The following DLC1 variants were observed in gnomAD, a reference collection of about 807,000 sequenced individuals.
DLC1 encodes the protein rho GTPase-activating protein 7.
In DLC1, 54 loss-of-function variants were observed where a neutral mutation model predicts 140.3. That is an observed-to-expected ratio of 0.38 (90% CI 0.31 to 0.48). The LOEUF (loss-of-function observed/expected upper bound fraction) is 0.48. Among genes scored for constraint, DLC1 ranks in the 20% least tolerant of loss-of-function variants. The probability of loss-of-function intolerance (pLI) is 0.96; values close to 1 mark genes in which losing one functional copy is unlikely to be tolerated. For synonymous variants in DLC1, 986 were observed against 728.1 expected, an observed-to-expected ratio of 1.35 and a Z score of -5.70; for missense variants, 2,536 against 1,907.0, an observed-to-expected ratio of 1.33 and a Z score of -6.14.
chr8:13,560,554 CA>C (rs1408294179), intron 1 of DLC1, among the ~76,000 whole-genome samples: 1 of 152,170 alleles, frequency 6.6e-6, no homozygotes. Flanking sequence ...ACCCCAAAAG[CA>C]GATTGTGTAA....
In DLC1 at chr8:13,098,475, G is replaced by C. The variant is rs1818697544; in HGVS notation, c.3091C>G (p.Leu1031Val). ...NCQSVAQMNL[L>V]QKYSLLKLTA... ...AGCTTTAGGAGTGAGTATTTCTGCA[G>C]CAGGTTCATCTGGGCCACAGACTGG... The change falls in exon 10 of 18, where the codon CTG (leucine) becomes GTG (valine). Residue 1031 changes from leucine to valine, a missense_variant. Leu to Val is a conservative substitution (Grantham distance 32). Coordinates refer to ENST00000276297, the MANE Select transcript of DLC1 (RefSeq NM_182643.3). 1.9e-6 allele frequency: 3 copies of C among 1,614,072 alleles called. No homozygotes were observed. The highest frequency in any genetic ancestry group is 2.5e-6 in the Non-Finnish European group (3 of 1,180,050).
intron 5 of DLC1, among the ~76,000 whole-genome samples, chr8:13,146,474 T>C (rs1280162736): frequency 6.6e-6 from 1 of 152,000 alleles, no homozygotes; most frequent in East Asian, 1.9e-4. Flanking sequence ...TTGTAAGTTA[T>C]TAGAAATAAT....
chr8:13,397,343 G>T lies in DLC1; in HGVS notation c.1174-3650C>A, dbSNP rs555533961. Among the ~76,000 whole-genome samples the T allele has an allele frequency of 3.0e-4, 45 of 152,224 alleles. 1 individual carries two copies. The highest frequency in any genetic ancestry group is 1.0e-3 in the African/African-American group (42 of 41,516). ...ATATAGGAAGAGGAGCCACTGAAGGGTCTGGAAAGCAACTGTTGAAGAATA... is the reference window on the plus strand; with the variant it reads ...ATATAGGAAGAGGAGCCACTGAAGGTTCTGGAAAGCAACTGTTGAAGAATA... On this transcript the variant is annotated intron_variant, in intron 3 of 17. Transcript: ENST00000276297.
In DLC1 at chr8:13,238,154, G is replaced by A. The variant is rs1029383260; in HGVS notation, c.1348+67115C>T. Among the ~76,000 whole-genome samples the A allele has an allele frequency of 8.5e-5, 13 of 152,104 alleles. No individual in the cohort carries two copies. The East Asian group carries it at 1.7e-3, about 20-fold the overall frequency. On this transcript the variant is annotated intron_variant, in intron 5 of 17. Transcript: ENST00000276297. The stretch of plus-strand genomic sequence containing the variant: ...TGCACAGGCATGTGTGCATATATGC[G>A]TATGTTAACATATGTATTTTGAAGG...
intron 5 of DLC1, among the ~76,000 whole-genome samples, chr8:13,249,032 T>C (rs752251719): frequency 6.6e-6 from 1 of 152,270 alleles, no homozygotes; most frequent in South Asian, 2.1e-4. Context: ...TTTCCATTCC[T>C]CAGTGATGCC....
intron 5 of DLC1, among the ~76,000 whole-genome samples, chr8:13,283,001 C>T (rs187476964): frequency 1.3e-5 from 2 of 152,054 alleles, no homozygotes; most frequent in African/African-American, 4.8e-5. Flanking sequence ...CAATTATCAA[C>T]CATCTCAAAA....
intron 5 of DLC1, among the ~76,000 whole-genome samples, chr8:13,161,192 A>G (rs1350794937): frequency 2.0e-5 from 3 of 152,206 alleles, no homozygotes; most frequent in South Asian, 4.1e-4. Flanking sequence ...ACCTATGTCT[A>G]CGTGAAGCAG....
chr8:13,297,688 CAG>C (rs1265450820), intron 5 of DLC1, among the ~76,000 whole-genome samples: 1 of 152,096 alleles, frequency 6.6e-6, no homozygotes, highest in Non-Finnish European at 1.5e-5. Flanking sequence ...CAAAACAGAG[CAG>C]AGTCTTTCCA....
Position 13,401,558 on chromosome 8 carries a change from A to T in DLC1, c.1085T>A (p.Leu362Gln). The stretch of plus-strand genomic sequence containing the variant: ...TTCTATGTCCTGATCAAGCTGGTCC[A>T]GTTTCATAATCAGCAGCACCATGGA... ...LDSMVLLIMK[L>Q]DQLDQDIENA... The change falls in exon 3 of 18, where the codon CTG becomes CAG. Residue 362 changes from leucine (L) to glutamine (Q), a missense_variant. By Grantham distance (113) the Leu-to-Gln change is moderately radical. Transcript: ENST00000276297. 1 of 1,613,766 alleles carries T rather than the reference A, an allele frequency of 6.2e-7. No homozygotes were observed. The highest frequency in any genetic ancestry group is 2.2e-5 in the East Asian group (1 of 44,882).
intron 5 of DLC1, among the ~76,000 whole-genome samples, chr8:13,195,731 T>C (rs1419336049): frequency 6.6e-6 from 1 of 152,176 alleles, no homozygotes; most frequent in Non-Finnish European, 1.5e-5. Context: ...TGGTGCCACA[T>C]TACCAAGTAA....
At chr8:13,114,593 G>C (rs1820386638) in intron 6 of DLC1, among the ~76,000 whole-genome samples, 1 of 151,836 alleles carries the variant, frequency 6.6e-6, no homozygotes, top group East Asian at 1.9e-4. Flanking sequence ...TTCATTAAAA[G>C]ACAACCTAGA....
rs61757614 is a variant in DLC1 at position 13,499,351 on chromosome 8, G to C, written c.721C>G (p.Pro241Ala). The change falls in exon 2 of 18, where the codon CCT (proline) becomes GCT (alanine). Residue 241 changes from proline (P) to alanine (A), a missense_variant. Transcript: ENST00000276297. ...IAQQRRKPDP[P>A]KDENERSTCN... is the part of the protein sequence containing the mutation. ...GTGCTTCTTTCATTTTCATCTTTAG[G>C]GGGGTCAGGTTTCCTTCGTTGCTGA... 5.7e-3 allele frequency: 9,244 copies of C among 1,613,932 alleles called. 32 individuals are homozygous for C. Among genetic ancestry groups the C allele is most frequent in the Non-Finnish European group, 7.1e-3 (8,375 of 1,180,004 alleles).
Position 13,312,593 on chromosome 8 carries a change from T to C in DLC1, c.1315-7291A>G, listed in dbSNP as rs141578959. Among the ~76,000 whole-genome samples, 1,038 of 152,092 alleles carry C rather than the reference T, an allele frequency of 6.8e-3. 8 individuals are homozygous for C. Among genetic ancestry groups the C allele is most frequent in the Admixed American group, 9.5e-3 (145 of 15,278 alleles). On this transcript the variant is annotated intron_variant, in intron 4 of 17. Transcript: ENST00000276297. ...CAGAATTTAATAAATCATGTCTTTC[T>C]CTATGTTACTATTAAAGTTTATTCC... is the stretch of plus-strand genomic sequence containing the variant.
At chr8:13,111,124 T>G (rs188253880) in intron 6 of DLC1, among the ~76,000 whole-genome samples, 1 of 152,188 alleles carries the variant, frequency 6.6e-6, no homozygotes. Flanking sequence ...GAGTCCCCAG[T>G]AGAAATTATA....
chr8:13,582,233 C>A (rs7813322), intron 1 of DLC1, among the ~76,000 whole-genome samples: 8 of 151,976 alleles, frequency 5.3e-5, no homozygotes, highest in African/African-American at 1.9e-4. Context: ...TGAGAAAAAA[C>A]AAAACAAAAT....
intron 2 of DLC1, among the ~76,000 whole-genome samples, chr8:13,441,972 A>C (rs556608929): frequency 6.6e-6 from 1 of 152,240 alleles, no homozygotes; most frequent in Non-Finnish European, 1.5e-5. Flanking sequence ...AGGCTACAGT[A>C]ACCAAAACAG....
chr8:13,413,255 G>GTTTTTTTTTTTTTT (rs1461897724), intron 2 of DLC1, among the ~76,000 whole-genome samples: 77 of 30,100 alleles, frequency 2.6e-3, no homozygotes, highest in Non-Finnish European at 4.0e-3. Flanking sequence ...ATTTTTTTGC[G>GTTTTTTTTTTTTTT]ATTTTTTTTT....
rs150152093 is a variant in DLC1 at position 13,539,567 on chromosome 8, G to A, written c.-125-39371C>T. Among the ~76,000 whole-genome samples the A allele has an allele frequency of 2.6e-4, 39 of 152,250 alleles. 1 individual carries two copies. In the East Asian group the frequency reaches 4.6e-3, roughly 18 times the overall value. Reference sequence around the variant, plus strand: ...GAGAGCTCCTTTAAGAACAGGAGGCGCAGTGCCCTTTTTCCAATCTACCCC... The same window carrying A: ...GAGAGCTCCTTTAAGAACAGGAGGCACAGTGCCCTTTTTCCAATCTACCCC... On this transcript the variant is annotated intron_variant, in intron 1 of 1. Transcript: ENST00000631382.
intron 4 of DLC1, among the ~76,000 whole-genome samples, chr8:13,320,379 G>T (rs1164136799): frequency 5.3e-5 from 8 of 152,108 alleles, no homozygotes; most frequent in Admixed American, 3.9e-4. Flanking sequence ...TCTAACCTTT[G>T]TACTGGGTAC....
Sources: gnomAD v4.1 joint callset for allele counts (sites outside exome capture counted in the v4.1 genomes callset) on GRCh38, gnomAD v4.1.1 for gene constraint, MANE v1.5 for transcripts, NCBI Gene and HGNC (gene_info 2026-07-23, HGNC 2026-07-21) for gene names.